The following GPHN variants were observed in gnomAD, a reference collection of about 807,000 sequenced individuals.
The protein encoded by GPHN is gephyrin.
A neutral mutation model predicts 95.5 loss-of-function variants in GPHN; 17 were observed. The observed-to-expected ratio is 0.18, with a 90% confidence interval of 0.12 to 0.27. The LOEUF (loss-of-function observed/expected upper bound fraction) is 0.27. Among genes scored for constraint, GPHN ranks in the 10% least tolerant of loss-of-function variants. The probability of loss-of-function intolerance (pLI) is 1.00; values close to 1 mark genes in which losing one functional copy is unlikely to be tolerated. For synonymous variants in GPHN, 320 were observed against 322.5 expected, an observed-to-expected ratio of 0.99 and a Z score of 0.08; for missense variants, 660 against 978.1, an observed-to-expected ratio of 0.67 and a Z score of 4.34.
intron 13 of GPHN, among the ~76,000 whole-genome samples, chr14:67,107,688 G>C (rs934071947): frequency 6.6e-6 from 1 of 152,168 alleles, no homozygotes; most frequent in African/African-American, 2.4e-5. Flanking sequence ...TTCAGACTCT[G>C]AGGCCAGGTG....
chr14:66,841,806 T>A (rs1465019347), intron 4 of GPHN, among the ~76,000 whole-genome samples: 2 of 151,928 alleles, frequency 1.3e-5, no homozygotes, highest in African/African-American at 4.8e-5. Context: ...TTTGGGAGGT[T>A]GAGGTGGGTG....
chr14:66,790,278 G>A (rs758289439), intron 3 of GPHN, among the ~76,000 whole-genome samples: 4 of 152,274 alleles, frequency 2.6e-5, no homozygotes, highest in African/African-American at 7.2e-5. Flanking sequence ...GACAGTTCAT[G>A]GAGGAGAGGT....
chr14:66,927,641 G>GT (rs1429520834), intron 8 of GPHN, among the ~76,000 whole-genome samples: 1 of 152,026 alleles, frequency 6.6e-6, no homozygotes, highest in Non-Finnish European at 1.5e-5. Flanking sequence ...AATGCTTTCA[G>GT]TTTTTCCCCA....
At chr14:66,895,274 C>T (rs959237394) in intron 5 of GPHN, among the ~76,000 whole-genome samples, 2 of 152,112 alleles carry the variant, frequency 1.3e-5, no homozygotes, top group Admixed American at 6.5e-5. Flanking sequence ...AACCAGACAC[C>T]GCATGTTCTC....
chr14:67,091,593 T>C lies in GPHN; in HGVS notation c.1237+2518T>C, dbSNP rs567959073. On this transcript the variant is annotated intron_variant, in intron 12 of 22. Transcript: ENST00000478722. ...GTTTTTTATAGTCTTTGTAACATAA[T>C]GTGGGAGAGAGTGAGAAAATAAATT... Among the ~76,000 whole-genome samples, 6 of 152,058 alleles carry C rather than the reference T, an allele frequency of 3.9e-5. No individual in the cohort carries two copies. In the South Asian group the frequency reaches 1.2e-3, roughly 32 times the overall value.
intron 4 of GPHN, among the ~76,000 whole-genome samples, chr14:66,876,487 G>C (rs1450255711): frequency 6.6e-6 from 1 of 151,924 alleles, no homozygotes; most frequent in Non-Finnish European, 1.5e-5. Context: ...ATTAACAAAA[G>C]AGATAGAACA....
At chr14:66,609,388 A>G (rs374092952) in intron 1 of GPHN, among the ~76,000 whole-genome samples, 21 of 152,184 alleles carry the variant, frequency 1.4e-4, no homozygotes, top group Admixed American at 1.2e-3. Flanking sequence ...TTTCTTTAAC[A>G]TCGGCCTTGG....
chr14:66,617,361 T>A (rs1386499025), intron 1 of GPHN, among the ~76,000 whole-genome samples: 1 of 152,154 alleles, frequency 6.6e-6, no homozygotes, highest in Non-Finnish European at 1.5e-5. Flanking sequence ...GCAAGTTGGA[T>A]CTTCTGATCC....
intron 21 of GPHN, 53 bp downstream of exon 21, chr14:67,169,089 G>T (rs759355451): frequency 1.9e-6 from 2 of 1,046,364 alleles, no homozygotes; most frequent in South Asian, 2.5e-5. Context: ...AACAGTTAGG[G>T]ATATGATTTC....
At chr14:67,724,916 A>T in the GPHN span, among the ~76,000 whole-genome samples, 1 of 152,186 alleles carries the variant, frequency 6.6e-6, no homozygotes, top group Non-Finnish European at 1.5e-5. Flanking sequence ...CCTGGGATTA[A>T]ACTGACAGCA....
At chr14:66,830,923 T>C (rs1037022530) in intron 4 of GPHN, among the ~76,000 whole-genome samples, 1 of 152,140 alleles carries the variant, frequency 6.6e-6, no homozygotes, top group Non-Finnish European at 1.5e-5. Context: ...GAAATATATG[T>C]ATTTCATAAT....
chr14:67,244,756 A>G, the GPHN span, among the ~76,000 whole-genome samples: 1 of 152,236 alleles, frequency 6.6e-6, no homozygotes, highest in African/African-American at 2.4e-5. Flanking sequence ...TTAAAATTAA[A>G]AAAAGACCTA....
chr14:67,725,849 T>C, the GPHN span, among the ~76,000 whole-genome samples: 1 of 152,186 alleles, frequency 6.6e-6, no homozygotes, highest in Non-Finnish European at 1.5e-5. Context: ...GTCACTGAGA[T>C]AGGTCCAAAT....
downstream of GPHN, among the ~76,000 whole-genome samples, chr14:67,184,154 C>T (rs1055299401): frequency 6.6e-6 from 1 of 152,076 alleles, no homozygotes; most frequent in African/African-American, 2.4e-5. Context: ...GTTACAGAAA[C>T]AAAATAGGTA....
chr14:66,786,280 C>T (rs1244949980), intron 3 of GPHN, among the ~76,000 whole-genome samples: 2 of 152,032 alleles, frequency 1.3e-5, no homozygotes, highest in African/African-American at 4.8e-5. Context: ...ATAAATTGTA[C>T]AATTTAGTAG....
At chr14:66,787,405 A>C (rs1468848225) in intron 3 of GPHN, among the ~76,000 whole-genome samples, 1 of 152,184 alleles carries the variant, frequency 6.6e-6, no homozygotes, top group African/African-American at 2.4e-5. Context: ...TAATGATGTC[A>C]GTTCTCCCCT....
the GPHN span, among the ~76,000 whole-genome samples, chr14:67,642,793 CTTTTTTTTTTTTT>C: frequency 4.5e-3 from 343 of 75,572 alleles, 7 homozygotes; most frequent in African/African-American, 0.018. Flanking sequence ...ACTACATTTT[CTTTTTTTTTTTTT>C]TTTTTTTTTT....
At position 66,958,848 on chromosome 14, in the gene GPHN, A is replaced by G. The variant is rs545687273; in HGVS notation, c.829-6343A>G. Among the ~76,000 whole-genome samples, 162 of 152,302 alleles carry G rather than the reference A, an allele frequency of 1.1e-3. 2 individuals are homozygous for G. The highest frequency in any genetic ancestry group is 1.6e-3 in the Admixed American group (24 of 15,304). ...TTTATGTACATTTAATGCAATTACT[A>G]TAAAGAAGGGTTTCTTCCATTTTGC... is the stretch of plus-strand genomic sequence containing the variant. On this transcript the variant is annotated intron_variant, in intron 8 of 22. Transcript: ENST00000478722.
At chr14:67,658,708 C>A in the GPHN span, among the ~76,000 whole-genome samples, 1 of 152,252 alleles carries the variant, frequency 6.6e-6, no homozygotes, top group Non-Finnish European at 1.5e-5. Context: ...CCCACTTTAA[C>A]CAGCTCCACC....
Sources: gnomAD v4.1 joint callset for allele counts (sites outside exome capture counted in the v4.1 genomes callset) on GRCh38, gnomAD v4.1.1 for gene constraint, MANE v1.5 for transcripts, NCBI Gene and HGNC (gene_info 2026-07-23, HGNC 2026-07-21) for gene names.